Variants in TONSL observed in about 807,000 individuals in gnomAD.
TONSL encodes tonsoku-like protein.
TONSL carries 112 observed loss-of-function variants against 147.1 expected under a neutral mutation model. The observed-to-expected ratio is 0.76, with a 90% confidence interval of 0.65 to 0.89. The LOEUF (loss-of-function observed/expected upper bound fraction) is 0.89. Ranked by LOEUF, TONSL falls within the 40% of genes least tolerant of loss-of-function variation. TONSL has a pLI of 0.00. For synonymous variants in TONSL, 868 were observed against 801.5 expected (o/e 1.08, Z -1.40); for missense variants, 1,883 against 1,864.6 (o/e 1.01, Z -0.18).
At position 144,442,170 on chromosome 8, in the gene TONSL, C is replaced by T. The variant is rs1229181824; in HGVS notation, c.751-19G>A. 1 of 1,604,894 alleles carries T rather than the reference C, an allele frequency of 6.2e-7. No individual in the cohort carries two copies. Among genetic ancestry groups the T allele is most frequent in the African/African-American group, 1.3e-5 (1 of 74,650 alleles). On this transcript the variant is annotated intron_variant, in intron 6 of 25. Coordinates refer to ENST00000409379, the MANE Select transcript of TONSL (RefSeq NM_013432.5). The stretch of plus-strand genomic sequence containing the variant: ...GGAGGACCTGGAGAGCAAAGGACAG[C>T]AAAGGTTTTGCAGAATCCCCAAGGC...
chr8:144,442,220 G>C, intron 6 of TONSL, 21 bp downstream of exon 6: 1 of 1,589,588 alleles, frequency 6.3e-7, no homozygotes, highest in Non-Finnish European at 8.6e-7. Flanking sequence ...GCCTGAGCTC[G>C]GAGCCACGCA....
At chr8:144,442,455 G>T in intron 5 of TONSL, 43 bp from the exon 6 acceptor site, 2 of 1,511,888 alleles carry the variant, frequency 1.3e-6, no homozygotes, top group South Asian at 1.3e-5. Context: ...GAGTGTCCAT[G>T]ACAGCTGCTG....
chr8:144,431,486 A>G (rs961562374), intron 23 of TONSL, among the ~76,000 whole-genome samples: 1 of 152,114 alleles, frequency 6.6e-6, no homozygotes, highest in Non-Finnish European at 1.5e-5. Flanking sequence ...AGGCAGCTGT[A>G]CAAAAGCATT....
chr8:144,428,868 C>T lies in TONSL; in HGVS notation c.*275G>A, dbSNP rs1823031452. 3.2e-6 allele frequency: 1 copy of T among 310,602 alleles called. No homozygotes were observed. Among genetic ancestry groups the T allele is most frequent in the Non-Finnish European group, 6.0e-6 (1 of 167,830 alleles). 19.2% of individuals were successfully genotyped at this position (310,602 alleles called of 1,614,324 possible). A position where few individuals can be genotyped will look rare whatever the true frequency, so the allele number is the denominator to read the frequency against. ...GCAGTGGTGCGATCTCGGCTCACTG[C>T]AAGCTCCGCCTCCCGGGTTCACGCC... On this transcript the variant is annotated 3_prime_UTR_variant, in exon 26 of 26. Coordinates refer to ENST00000409379, the MANE Select transcript of TONSL (RefSeq NM_013432.5).
intron 11 of TONSL, among the ~76,000 whole-genome samples, chr8:144,439,002 C>T (rs1018890100): frequency 2.0e-5 from 3 of 152,134 alleles, no homozygotes; most frequent in Non-Finnish European, 4.4e-5. Flanking sequence ...CTAACCCACG[C>T]CTGGCCCTCC....
At position 144,435,468 on chromosome 8, in the gene TONSL, C is replaced by T; in HGVS notation, c.2852+6G>A. On this transcript the variant is annotated splice_donor_region_variant and intron_variant, in intron 18 of 25. Coordinates refer to ENST00000409379, the MANE Select transcript of TONSL (RefSeq NM_013432.5). ...GGGCTGCGGGGTAGGGCAGGCGATG[C>T]CTCACCTGTGTGGGACAGGGATGAG... is the stretch of plus-strand genomic sequence containing the variant. The T allele has an allele frequency of 7.1e-6, 11 of 1,541,234 alleles. No individual in the cohort carries two copies. Among genetic ancestry groups the T allele is most frequent in the Non-Finnish European group, 8.8e-6 (10 of 1,140,930 alleles).
chr8:144,429,301 A>G lies in TONSL; in HGVS notation c.3979T>C (p.Trp1327Arg), dbSNP rs782229893. 7 of 1,502,214 alleles carry G rather than the reference A, an allele frequency of 4.7e-6. No individual in the cohort carries two copies. In the South Asian group the frequency reaches 8.7e-5, roughly 19 times the overall value. 93.1% of individuals were successfully genotyped at this position (1,502,214 alleles called of 1,614,324 possible). ...CGGAGCTGCGCGGCTATCTTGTCCC[A>G]CAGGCCCAGGCCCAGGGGACCCTGG... ...AVQGPLGLGL[W>R]DKIAAQLREL... Residue 1327 changes from tryptophan to arginine, a missense_variant, in exon 26 of 26, where the codon TGG becomes CGG. Transcript: ENST00000409379.
Position 144,440,145 on chromosome 8 carries a change from G to A in TONSL, c.1356C>T (p.Thr452=), listed in dbSNP as rs764582047. Residue 452 remains threonine (T), a synonymous_variant, in exon 11 of 26, where the codon ACC becomes ACT. Coordinates refer to ENST00000409379, the MANE Select transcript of TONSL (RefSeq NM_013432.5). The stretch of plus-strand genomic sequence containing the variant: ...CACTGAGCTCCCGTAGTCTGGTTTC[G>A]GTCTCAGGGGCCTCCTGGGGCTGCA... ...LRLQPQEAPE[T]ETRLRELSVA... The A allele has an allele frequency of 1.8e-5, 29 of 1,611,564 alleles. No homozygotes were observed. The highest frequency in any genetic ancestry group is 6.7e-5 in the Admixed American group (4 of 59,562).
intron 23 of TONSL, among the ~76,000 whole-genome samples, chr8:144,431,752 A>T (rs372147902): frequency 6.6e-6 from 1 of 150,966 alleles, no homozygotes; most frequent in Admixed American, 6.6e-5. Flanking sequence ...TGACCTCGTG[A>T]TCCGCCCGCC....
At chr8:144,443,429 C>T (rs927519604) in intron 3 of TONSL, 108 bp from the exon 4 acceptor site, 26 of 1,144,016 alleles carry the variant, frequency 2.3e-5, no homozygotes, top group South Asian at 3.0e-5. Flanking sequence ...CCTGCTCCCC[C>T]TAACCCCCAC....
chr8:144,438,631 G>A (rs1304158500), intron 12 of TONSL, 22 bp downstream of exon 12: 1 of 1,612,694 alleles, frequency 6.2e-7, no homozygotes, highest in Admixed American at 1.7e-5. Flanking sequence ...CGGGGTGGGT[G>A]GGGGCAGGGC....
At chr8:144,435,212 C>G (rs200358045) in intron 18 of TONSL, 42 bp from the exon 19 acceptor site, 12 of 1,453,046 alleles carry the variant, frequency 8.3e-6, no homozygotes, top group Non-Finnish European at 1.1e-5. Context: ...TGCACACAGC[C>G]GGGGTAATGC....
chr8:144,439,898 G>A lies in TONSL; in HGVS notation c.1480+123C>T, dbSNP rs144133085. On this transcript the variant is annotated intron_variant, in intron 11 of 25. Transcript: ENST00000409379. The stretch of plus-strand genomic sequence containing the variant: ...GTCCAGTTCCGGGAAAGCACTGGCC[G>A]TCCTGCCTGCCTGTGGCTGTTCCTG... The A allele has an allele frequency of 2.9e-3, 1,782 of 606,868 alleles. 12 individuals are homozygous for A. Among genetic ancestry groups the A allele is most frequent in the East Asian group, 0.017 (594 of 34,100 alleles). 37.6% of individuals were successfully genotyped at this position (606,868 alleles called of 1,614,324 possible). A position where few individuals can be genotyped will look rare whatever the true frequency, so the allele number is the denominator to read the frequency against.
At chr8:144,441,962 GGC>G in intron 7 of TONSL, 73 bp downstream of exon 7, 1 of 1,321,432 alleles carries the variant, frequency 7.6e-7, no homozygotes. Context: ...GTACACACCT[GGC>G]GGGACTCCAC....
rs778810409 is a variant in TONSL, at chr8:144,440,214, A to C, written c.1291-4T>G. The C allele has an allele frequency of 6.3e-7, 1 of 1,587,966 alleles. No individual in the cohort carries two copies. Among genetic ancestry groups the C allele is most frequent in the African/African-American group, 1.4e-5 (1 of 73,898 alleles). Reference sequence around the variant, plus strand: ...GGAGATGCTGCAAGACCTGCCTCTGAGGAGCAGAGGGATGCTCAGCTCAGG... The same window carrying C: ...GGAGATGCTGCAAGACCTGCCTCTGCGGAGCAGAGGGATGCTCAGCTCAGG... On this transcript the variant is annotated splice_region_variant and splice_polypyrimidine_tract_variant and intron_variant, in intron 10 of 25. Transcript: ENST00000409379.
At position 144,434,139 on chromosome 8, in the gene TONSL, G is replaced by A. The variant is rs146693421; in HGVS notation, c.3226C>T (p.Arg1076Cys). The A allele has an allele frequency of 1.4e-5, 23 of 1,611,448 alleles. No individual in the cohort carries two copies. Among genetic ancestry groups the A allele is most frequent in the African/African-American group, 4.0e-5 (3 of 74,920 alleles). The part of the protein sequence containing the change: ...LKLHTALREL[R>C]LAGNRLGDKC... ...TCCCCCAGCCGGTTCCCTGCCAGGC[G>A]CAGCTCCCGGAGTGCTGTGTGCAGC... The change falls in exon 21 of 26, where the codon CGC (arginine) becomes TGC (cysteine). Residue 1076 changes from arginine to cysteine, a missense_variant. Coordinates refer to ENST00000409379, the MANE Select transcript of TONSL (RefSeq NM_013432.5).
chr8:144,428,776 C>G lies in TONSL; in HGVS notation c.*367G>C, dbSNP rs146139647. ...CAGGCAGCCACGGGGAGGGAGGCAG[C>G]AGCTTCATTTATTTTATTTTTTTTT... On this transcript the variant is annotated 3_prime_UTR_variant, in exon 26 of 26. Coordinates refer to ENST00000409379, the MANE Select transcript of TONSL (RefSeq NM_013432.5). 1.0e-3 allele frequency: 160 copies of G among 157,842 alleles called. No individual in the cohort carries two copies. In the East Asian group the frequency reaches 0.018, roughly 17 times the overall value. The allele number at this position is 157,842 out of a possible 1,614,324, so 9.8% of individuals were successfully genotyped here.
Position 144,435,971 on chromosome 8 carries a change from T to G in TONSL, c.2462A>C (p.Gln821Pro), listed in dbSNP as rs761544189. 11 of 1,556,308 alleles carry G rather than the reference T, an allele frequency of 7.1e-6. No homozygotes were observed. The South Asian group carries it at 1.3e-4, about 18-fold the overall frequency. The change falls in exon 17 of 26, where the codon CAG becomes CCG. Residue 821 changes from glutamine to proline, a missense_variant. Gln to Pro is a moderately conservative substitution (Grantham distance 76). Transcript: ENST00000409379. The stretch of plus-strand genomic sequence containing the variant: ...CTCCTCCTCCGGGATGAGCGCTGCC[T>G]GGGGGGCAAGGGCTTTGCTGTGGCC... ...PRGHSKALAP[Q>P]AALIPEEECL...
Position 144,434,882 on chromosome 8 carries a change from G to A in TONSL, c.3014C>T (p.Ala1005Val). The A allele has an allele frequency of 6.2e-7, 1 of 1,613,358 alleles. No individual in the cohort carries two copies. The highest frequency in any genetic ancestry group is 1.1e-5 in the South Asian group (1 of 91,084). The part of the protein sequence containing the change: ...DVLQSNDEVL[A>V]EVTSWDLPPL... ...GGGCAGGTCCCACGAAGTCACCTCAGCCAACACCTGGAAGGCACCGTCATG... is the reference window on the plus strand; with the variant it reads ...GGGCAGGTCCCACGAAGTCACCTCAACCAACACCTGGAAGGCACCGTCATG... The change falls in exon 20 of 26, where the codon GCT becomes GTT. Residue 1005 changes from alanine to valine, a missense_variant. By Grantham distance (64) the Ala-to-Val change is moderately conservative (BLOSUM62 0). Coordinates refer to ENST00000409379, the MANE Select transcript of TONSL (RefSeq NM_013432.5).
Sources: gnomAD v4.1 joint callset for allele counts (sites outside exome capture counted in the v4.1 genomes callset) on GRCh38, gnomAD v4.1.1 for gene constraint, MANE v1.5 for transcripts, NCBI Gene and HGNC (gene_info 2026-07-23, HGNC 2026-07-21) for gene names.